Variants in KCNH7 observed in about 807,000 individuals in gnomAD.
The protein encoded by KCNH7 is voltage-gated inwardly rectifying potassium channel KCNH7.
In KCNH7, 49 loss-of-function variants were observed where a neutral mutation model predicts 120.8. That is an observed-to-expected ratio of 0.41 (90% CI 0.32 to 0.51). The LOEUF (loss-of-function observed/expected upper bound fraction) is 0.51. KCNH7 is among the 20% of genes least tolerant of loss of function. The pLI is 0.38. For missense variants in KCNH7, 1,097 were observed against 1,446.6 expected (o/e 0.76, Z 3.92); for synonymous variants, 547 against 516.1 (o/e 1.06, Z -0.81).
intron 2 of KCNH7, among the ~76,000 whole-genome samples, chr2:162,561,215 T>C (rs1416903438): frequency 6.6e-6 from 1 of 152,182 alleles, no homozygotes; most frequent in African/African-American, 2.4e-5. Context: ...TCATGATGCA[T>C]ATGCTCCTTT....
chr2:162,472,674 G>T lies in KCNH7; in HGVS notation c.1129-26231C>A, dbSNP rs577066130. ...AACTAGTTCAACCATTGTGGCAGTC[G>T]GTGTGGTGATTCCTCAGGGATCTAG... is the stretch of plus-strand genomic sequence containing the variant. On this transcript the variant is annotated intron_variant, in intron 6 of 15. Transcript: ENST00000332142. Among the ~76,000 whole-genome samples, 72 of 152,250 alleles carry T rather than the reference G, an allele frequency of 4.7e-4. No individual in the cohort carries two copies. In the Middle Eastern group the frequency reaches 0.014, roughly 29 times the overall value.
chr2:162,470,541 C>T (rs1434728172), intron 6 of KCNH7, among the ~76,000 whole-genome samples: 2 of 152,042 alleles, frequency 1.3e-5, no homozygotes, highest in Non-Finnish European at 2.9e-5. Flanking sequence ...TGAGGAGCGT[C>T]TCCGCCCGGC....
intron 3 of KCNH7, among the ~76,000 whole-genome samples, chr2:162,524,238 G>A (rs1349359702): frequency 6.6e-6 from 1 of 152,048 alleles, no homozygotes; most frequent in Non-Finnish European, 1.5e-5. Context: ...CAAATGCAGG[G>A]ATAGCCCCTT....
chr2:162,582,170 G>T (rs1693892075), intron 2 of KCNH7, among the ~76,000 whole-genome samples: 2 of 152,084 alleles, frequency 1.3e-5, no homozygotes, highest in Admixed American at 6.6e-5. Context: ...GGAATAGGAT[G>T]TAAGACTCCA....
chr2:162,443,496 A>C (rs1040950324), intron 7 of KCNH7, among the ~76,000 whole-genome samples: 2 of 152,156 alleles, frequency 1.3e-5, no homozygotes, highest in Admixed American at 1.3e-4. Context: ...AAGCAACAAA[A>C]AATGTTTGCA....
intron 2 of KCNH7, among the ~76,000 whole-genome samples, chr2:162,737,726 G>C (rs1687966745): frequency 6.6e-6 from 1 of 152,082 alleles, no homozygotes; most frequent in African/African-American, 2.4e-5. Flanking sequence ...CCTGCTGTAA[G>C]GTAAAGTGGG....
chr2:162,749,316 CA>C (rs1334463525), intron 2 of KCNH7, among the ~76,000 whole-genome samples: 1 of 151,770 alleles, frequency 6.6e-6, no homozygotes, highest in East Asian at 1.9e-4. Flanking sequence ...AAATGGGATA[CA>C]AAGCAGAAAA....
chr2:162,774,684 C>G (rs1019331807), intron 2 of KCNH7, among the ~76,000 whole-genome samples: 13 of 152,112 alleles, frequency 8.5e-5, no homozygotes, highest in African/African-American at 3.1e-4. Context: ...GCCCTCAAAA[C>G]AAACTTTTTA....
At chr2:162,405,966 T>A (rs1325395090) in intron 9 of KCNH7, among the ~76,000 whole-genome samples, 1 of 151,974 alleles carries the variant, frequency 6.6e-6, no homozygotes, top group Non-Finnish European at 1.5e-5. Flanking sequence ...CTGTCACCTT[T>A]CAAGGAGAAA....
At chr2:162,580,473 A>G (rs1271322376) in intron 2 of KCNH7, among the ~76,000 whole-genome samples, 2 of 152,096 alleles carry the variant, frequency 1.3e-5, no homozygotes, top group African/African-American at 2.4e-5. Flanking sequence ...GAGGAGGGAC[A>G]CAGCACAAAA....
chr2:162,430,499 G>T (rs1016501502), intron 8 of KCNH7, among the ~76,000 whole-genome samples: 2 of 151,964 alleles, frequency 1.3e-5, no homozygotes, highest in Admixed American at 1.3e-4. Flanking sequence ...GACTGCTGGG[G>T]TCTGCTTAGG....
chr2:162,761,236 T>C (rs1688956633), intron 2 of KCNH7, among the ~76,000 whole-genome samples: 1 of 152,116 alleles, frequency 6.6e-6, no homozygotes, highest in Non-Finnish European at 1.5e-5. Context: ...AGTTCTACTG[T>C]AGGCATTGAA....
intron 2 of KCNH7, among the ~76,000 whole-genome samples, chr2:162,743,241 C>A (rs180747590): frequency 2.0e-5 from 3 of 152,026 alleles, no homozygotes; most frequent in African/African-American, 7.2e-5. Context: ...TTTTTGCATA[C>A]CGTTTTTAGC....
chr2:162,621,098 A>T (rs567347545), intron 2 of KCNH7, among the ~76,000 whole-genome samples: 1 of 152,016 alleles, frequency 6.6e-6, no homozygotes, highest in South Asian at 2.1e-4. Flanking sequence ...TGGTGTGTGT[A>T]TATATTCATT....
intron 2 of KCNH7, among the ~76,000 whole-genome samples, chr2:162,625,044 T>C (rs1035639247): frequency 6.6e-6 from 1 of 151,840 alleles, no homozygotes; most frequent in Non-Finnish European, 1.5e-5. Flanking sequence ...ATTACAGGCA[T>C]GCACCAACAC....
chr2:162,391,558 A>C (rs1397414268), intron 12 of KCNH7, among the ~76,000 whole-genome samples: 1 of 151,874 alleles, frequency 6.6e-6, no homozygotes, highest in Non-Finnish European at 1.5e-5. Context: ...AAAATCCCTT[A>C]GCATCTACAC....
intron 2 of KCNH7, among the ~76,000 whole-genome samples, chr2:162,569,900 T>G (rs1275150806): frequency 1.6e-5 from 2 of 122,364 alleles, no homozygotes; most frequent in Non-Finnish European, 3.3e-5. Flanking sequence ...AGAGATAGTT[T>G]GTTATAATTT....
intron 2 of KCNH7, among the ~76,000 whole-genome samples, chr2:162,619,647 T>C (rs1207877171): frequency 6.6e-6 from 1 of 151,926 alleles, no homozygotes; most frequent in Admixed American, 6.6e-5. Context: ...TAAGCCAATA[T>C]ATATATCTAT....
intron 3 of KCNH7, among the ~76,000 whole-genome samples, chr2:162,529,536 T>C (rs1424780174): frequency 2.6e-5 from 4 of 151,960 alleles, no homozygotes; most frequent in Non-Finnish European, 5.9e-5. Context: ...GAAATTCAAA[T>C]ATAGTTTTCA....
Sources: allele counts gnomAD v4.1 joint callset (sites outside exome capture counted in the v4.1 genomes callset), GRCh38; gene constraint gnomAD v4.1.1; transcripts MANE v1.5; gene names NCBI Gene and HGNC (gene_info 2026-07-23, HGNC 2026-07-21).